The following SCN4A variants were observed in gnomAD, a reference collection of about 807,000 sequenced individuals.
SCN4A encodes the protein sodium voltage-gated channel alpha subunit 4.
Under a neutral mutation model 162.0 loss-of-function variants are expected in SCN4A, and 83 were observed. The ratio of observed to expected loss-of-function variants is 0.51; its 90% CI spans 0.43 to 0.61. The LOEUF is 0.61. Among genes scored for constraint, SCN4A ranks in the 20% least tolerant of loss-of-function variants. The probability of loss-of-function intolerance (pLI) is 0.00; values close to 1 mark genes in which losing one functional copy is unlikely to be tolerated. For missense variants in SCN4A, 2,196 were observed against 2,462.5 expected, an observed-to-expected ratio of 0.89 and a Z score of 2.29; for synonymous variants, 944 against 985.1, an observed-to-expected ratio of 0.96 and a Z score of 0.78.
chr17:63,967,825 C>T lies in SCN4A; in HGVS notation c.1036+198G>A, dbSNP rs181719487. Among the ~76,000 whole-genome samples, 148 of 151,334 alleles carry T rather than the reference C, an allele frequency of 9.8e-4. 2 individuals carry two copies. The highest frequency in any genetic ancestry group is 3.5e-3 in the African/African-American group (145 of 41,252). ...GCACATGCCTGTAATCCTAGCTACT[C>T]GGGAGGCTGAGGCAGGAGAATCGCT... On this transcript the variant is annotated intron_variant, in intron 6 of 23. Coordinates refer to ENST00000435607, the MANE Select transcript of SCN4A (RefSeq NM_000334.4).
At chr17:63,961,744 A>C (rs1278151100) in intron 10 of SCN4A, 227 of 361,140 alleles carry the variant, frequency 6.3e-4, no homozygotes, top group Middle Eastern at 3.9e-3. Context: ...CACCCCTGGA[A>C]CCCCCGCGTC....
rs558573169 is a variant in SCN4A at position 63,955,435 on chromosome 17, G to A, written c.2376+1727C>T. Among the ~76,000 whole-genome samples the A allele has an allele frequency of 1.8e-4, 27 of 152,278 alleles. 2 individuals carry two copies. The highest frequency in any genetic ancestry group is 1.5e-3 in the South Asian group (7 of 4,824). On this transcript the variant is annotated intron_variant, in intron 13 of 23. Transcript: ENST00000435607. ...GGCACTTTGGTAAGCACTTGTAAGC[G>A]CATGCGTAACATAATCCTTGCAACC...
Position 63,963,551 on chromosome 17 carries a change from G to A in SCN4A, c.1606+121C>T, listed in dbSNP as rs1054106331. The A allele has an allele frequency of 3.3e-5, 36 of 1,077,124 alleles. 1 individual carries two copies. Among genetic ancestry groups the A allele is most frequent in the Non-Finnish European group, 4.3e-5 (34 of 793,182 alleles). 66.7% of individuals were successfully genotyped at this position (1,077,124 alleles called of 1,614,324 possible). ...CAGCCAGGCCCCACCCTGACCTCAG[G>A]GGCCTGAATGGGTAGAGGGGGCACA... On this transcript the variant is annotated intron_variant, in intron 10 of 23. Transcript: ENST00000435607.
chr17:63,941,458 G>A lies in SCN4A; in HGVS notation c.4824C>T (p.Ser1608=). 1 of 1,614,158 alleles carries A rather than the reference G, an allele frequency of 6.2e-7. No homozygotes were observed. The highest frequency in any genetic ancestry group is 8.5e-7 in the Non-Finnish European group (1 of 1,180,026). The change falls in exon 24 of 24, where the codon AGC becomes AGT. Residue 1608 remains serine (S), a synonymous_variant. Transcript: ENST00000435607. This position sits in a 1 kb window ranked among gnomAD's most constrained non-coding sequence, Gnocchi z 6.2. ...LENFNVATEE[S]SEPLGEDDFE... Reference sequence around the variant, plus strand: ...AGTCATCTTCACCAAGGGGCTCGCTGCTCTCCTCTGTGGCCACATTGAAGT... The same window carrying A: ...AGTCATCTTCACCAAGGGGCTCGCTACTCTCCTCTGTGGCCACATTGAAGT...
intron 6 of SCN4A, among the ~76,000 whole-genome samples, 162 bp downstream of exon 6, chr17:63,967,861 A>G (rs1245933490): frequency 6.7e-6 from 1 of 150,158 alleles, no homozygotes; most frequent in East Asian, 2.0e-4. Context: ...TGAAGCCGGG[A>G]GGCGGAGGTT....
intron 7 of SCN4A, 51 bp downstream of exon 7, chr17:63,966,430 A>T: frequency 6.4e-7 from 1 of 1,553,798 alleles, no homozygotes. Flanking sequence ...ATCAGCTCCC[A>T]CCTTCCAAGA....
At chr17:63,960,900 C>T (rs1312978642) in intron 11 of SCN4A, among the ~76,000 whole-genome samples, 2 of 151,846 alleles carry the variant, frequency 1.3e-5, no homozygotes, top group African/African-American at 4.8e-5. Context: ...CCCCTGCTTC[C>T]AGGGCATGGT....
chr17:63,961,170 T>TA, intron 11 of SCN4A, 23 bp downstream of exon 11: 1 of 1,016,008 alleles, frequency 9.8e-7, no homozygotes. Context: ...CCATGAATGA[T>TA]CCCCTCCCCC....
Position 63,945,772 on chromosome 17 carries a change from C to G in SCN4A, c.3442-134G>C. 3.4e-6 allele frequency: 2 copies of G among 585,904 alleles called. No individual in the cohort carries two copies. Among genetic ancestry groups the G allele is most frequent in the South Asian group, 3.3e-5 (2 of 60,732 alleles). The allele number at this position is 585,904 out of a possible 1,614,324, so 36.3% of individuals were successfully genotyped here. A position where few individuals can be genotyped will look rare whatever the true frequency, so the allele number is the denominator to read the frequency against. On this transcript the variant is annotated intron_variant, in intron 18 of 23. Coordinates refer to ENST00000435607, the MANE Select transcript of SCN4A (RefSeq NM_000334.4). This position sits in a 1 kb window ranked among gnomAD's most constrained non-coding sequence, Gnocchi z 4.4. ...GAGGGCTTCCTAGAGGAGGGCCGAC[C>G]TGCTGGGCTGTGTGTGTGCAGGTTG...
rs757943588 is a variant in SCN4A, at chr17:63,957,463, A to G, written c.2075T>C (p.Ile692Thr). ...CAGCGCCCCCACTGAATTGCCAATG[A>G]TCTTGATGAGCATGTTCAGCGTTGG... ...SWPTLNMLIK[I>T]IGNSVGALGN... is the part of the protein sequence containing the mutation. Residue 692 changes from isoleucine (I) to threonine (T), a missense_variant, in exon 13 of 24, where the codon ATC becomes ACC. Coordinates refer to ENST00000435607, the MANE Select transcript of SCN4A (RefSeq NM_000334.4). 1.2e-6 allele frequency: 2 copies of G among 1,613,976 alleles called. No individual in the cohort carries two copies. The highest frequency in any genetic ancestry group is 1.1e-5 in the South Asian group (1 of 91,072).
chr17:63,939,614 C>A lies in SCN4A; in HGVS notation c.*1157G>T, dbSNP rs368284341. 2.6e-5 allele frequency: 4 copies of A among 152,294 alleles called. No individual in the cohort carries two copies. Among genetic ancestry groups the A allele is most frequent in the Non-Finnish European group, 5.9e-5 (4 of 68,084 alleles). The allele number at this position is 152,294 out of a possible 1,614,324, so 9.4% of individuals were successfully genotyped here. A position where few individuals can be genotyped will look rare whatever the true frequency, so the allele number is the denominator to read the frequency against. ...CCAGCAGAGGCCTGGCCCTGCCATG[C>A]CCAGAACAGCGATGCAGCAGAAGTG... On this transcript the variant is annotated 3_prime_UTR_variant, in exon 24 of 24. Coordinates refer to ENST00000435607, the MANE Select transcript of SCN4A (RefSeq NM_000334.4).
chr17:63,948,541 A>G, intron 16 of SCN4A, 70 bp downstream of exon 16: 1 of 1,386,828 alleles, frequency 7.2e-7, no homozygotes, highest in Non-Finnish European at 1.0e-6. Context: ...GTGTGGAGAC[A>G]GGGAGCCCCA....
At chr17:63,956,929 C>T (rs1467351414) in intron 13 of SCN4A, among the ~76,000 whole-genome samples, 1 of 152,258 alleles carries the variant, frequency 6.6e-6, no homozygotes, top group Non-Finnish European at 1.5e-5. Context: ...GTCCCCAGGC[C>T]TAGGCCCAGA....
chr17:63,945,210 G>T lies in SCN4A; in HGVS notation c.3720+150C>A. ...CTAGCATCAAATAAAGACCAGAGAGGTCTAGACACTGCCTGGGGATCCCAC... is the reference window on the plus strand; with the variant it reads ...CTAGCATCAAATAAAGACCAGAGAGTTCTAGACACTGCCTGGGGATCCCAC... On this transcript the variant is annotated intron_variant, in intron 19 of 23. Coordinates refer to ENST00000435607, the MANE Select transcript of SCN4A (RefSeq NM_000334.4). This position sits in a 1 kb window ranked among gnomAD's most constrained non-coding sequence, Gnocchi z 4.4. 9.9e-7 allele frequency: 1 copy of T among 1,008,494 alleles called. No individual in the cohort carries two copies. Among genetic ancestry groups the T allele is most frequent in the Non-Finnish European group, 1.5e-6 (1 of 670,068 alleles). 62.5% of individuals were successfully genotyped at this position (1,008,494 alleles called of 1,614,324 possible).
intron 11 of SCN4A, among the ~76,000 whole-genome samples, chr17:63,960,785 C>T (rs1158629851): frequency 6.6e-6 from 1 of 152,092 alleles, no homozygotes; most frequent in Admixed American, 6.5e-5. Flanking sequence ...CTATAGGTCA[C>T]ACTGCCAGAT....
In SCN4A at chr17:63,940,658, G is replaced by T; in HGVS notation, c.*113C>A. The T allele has an allele frequency of 7.5e-7, 1 of 1,328,726 alleles. No individual in the cohort carries two copies. 82.3% of individuals were successfully genotyped at this position (1,328,726 alleles called of 1,614,324 possible). On this transcript the variant is annotated 3_prime_UTR_variant, in exon 24 of 24. Coordinates refer to ENST00000435607, the MANE Select transcript of SCN4A (RefSeq NM_000334.4). ...TGGCCAAATCCTGTCCCCCATCAGG[G>T]AGCCAGGCACAGTCCCAGATTCAAA...
At chr17:63,956,651 A>C (rs1909079279) in intron 13 of SCN4A, among the ~76,000 whole-genome samples, 1 of 152,258 alleles carries the variant, frequency 6.6e-6, no homozygotes, top group Non-Finnish European at 1.5e-5. Context: ...ACACTATGGC[A>C]TCATCTTTGC....
rs1157997677 is a variant in SCN4A, at chr17:63,944,436, G to A, written c.3912+237C>T. 6.6e-6 allele frequency among the ~76,000 whole-genome samples: 1 copy of A among 152,158 alleles called. No homozygotes were observed. The highest frequency in any genetic ancestry group is 6.5e-5 in the Admixed American group (1 of 15,276). Reference sequence around the variant, plus strand: ...CCCAAAGTGCTGGGATTACAAGCATGAGCCACCGTGCCTGGCCCAGCAGTC... The same window carrying A: ...CCCAAAGTGCTGGGATTACAAGCATAAGCCACCGTGCCTGGCCCAGCAGTC... On this transcript the variant is annotated intron_variant, in intron 21 of 23. Transcript: ENST00000435607. This position sits in a 1 kb window ranked among gnomAD's most constrained non-coding sequence, Gnocchi z 4.3.
At chr17:63,959,227 C>T (rs1332377891) in intron 12 of SCN4A, 38 bp downstream of exon 12, 12 of 1,579,276 alleles carry the variant, frequency 7.6e-6, no homozygotes, top group South Asian at 2.3e-5. Flanking sequence ...CCTCACCCCA[C>T]CCCCATCCCA....
Sources: gnomAD v4.1 joint callset for allele counts (sites outside exome capture counted in the v4.1 genomes callset) on GRCh38, gnomAD v4.1.1 for gene constraint, Gnocchi (gnomAD v3.1) non-coding constraint, MANE v1.5 for transcripts, NCBI Gene and HGNC (gene_info 2026-07-23, HGNC 2026-07-21) for gene names.